Variants in PCDHGA5 observed in about 807,000 individuals in gnomAD.
PCDHGA5 encodes the protein protocadherin gamma subfamily A, 5, also known as protocadherin gamma-A5.
A neutral mutation model predicts 56.7 loss-of-function variants in PCDHGA5; 36 were observed. That is an observed-to-expected ratio of 0.64 (90% CI 0.49 to 0.84). The LOEUF is 0.84. Ranked by LOEUF, PCDHGA5 falls within the 40% of genes least tolerant of loss-of-function variation. The pLI, the probability that PCDHGA5 is intolerant of heterozygous loss-of-function variation, is 0.00. For missense variants in PCDHGA5, 1,305 were observed against 1,201.5 expected, an observed-to-expected ratio of 1.09 and a Z score of -1.27; for synonymous variants, 563 against 520.2, an observed-to-expected ratio of 1.08 and a Z score of -1.12.
chr5:141,450,842 T>TTTTTA, intron 1 of PCDHGA5, among the ~76,000 whole-genome samples: 1 of 148,196 alleles, frequency 6.7e-6, no homozygotes, highest in African/African-American at 2.5e-5. Context: ...TTTTTTTTTT[T>TTTTTA]GAGATGGGGT....
Position 141,485,616 on chromosome 5 carries a change from C to T in PCDHGA5, c.2422-9191C>T. On this transcript the variant is annotated intron_variant, in intron 1 of 3. Coordinates refer to ENST00000518069, the MANE Select transcript of PCDHGA5 (RefSeq NM_018918.3). This position sits in a 1 kb window ranked among gnomAD's most constrained non-coding sequence, Gnocchi z 5.7. ...TTGGAAATTGGGGAGGCAGCTCCTCCAGGACAGCGTTTCCCGTTGGAAAAG... is the reference window on the plus strand; with the variant it reads ...TTGGAAATTGGGGAGGCAGCTCCTCTAGGACAGCGTTTCCCGTTGGAAAAG... 1 of 1,612,210 alleles carries T rather than the reference C, an allele frequency of 6.2e-7. No individual in the cohort carries two copies.
chr5:141,399,442 A>G, intron 1 of PCDHGA5: 1 of 1,613,996 alleles, frequency 6.2e-7, no homozygotes. Context: ...CCTACATATC[A>G]GAGACGTCAA....
rs1306500688 is a variant in PCDHGA5 at position 141,491,142 on chromosome 5, A to T, written c.2422-3665A>T. ...GTGAGGTGCGCACAGCCCGGGCCTTACTGGAGGATGACTCTGACACCCAGC... is the reference window on the plus strand; with the variant it reads ...GTGAGGTGCGCACAGCCCGGGCCTTTCTGGAGGATGACTCTGACACCCAGC... On this transcript the variant is annotated intron_variant, in intron 1 of 3. Coordinates refer to ENST00000518069, the MANE Select transcript of PCDHGA5 (RefSeq NM_018918.3). This position sits in a 1 kb window ranked among gnomAD's most constrained non-coding sequence, Gnocchi z 6.9. 6.2e-7 allele frequency: 1 copy of T among 1,614,090 alleles called. No homozygotes were observed. Among genetic ancestry groups the T allele is most frequent in the Non-Finnish European group, 8.5e-7 (1 of 1,179,976 alleles).
intron 1 of PCDHGA5, chr5:141,424,778 T>G (rs1009835492): frequency 1.3e-5 from 2 of 152,166 alleles, no homozygotes; most frequent in African/African-American, 4.8e-5. Flanking sequence ...AATAGTACAT[T>G]CAGTTCTTTT....
chr5:141,492,499 C>T (rs2099741220), intron 1 of PCDHGA5, among the ~76,000 whole-genome samples: 1 of 152,198 alleles, frequency 6.6e-6, no homozygotes. Context: ...GGCGAGGACT[C>T]CGGAGCCTCC....
At chr5:141,388,558 C>G in intron 1 of PCDHGA5, 1 of 1,613,910 alleles carries the variant, frequency 6.2e-7, no homozygotes, top group Non-Finnish European at 8.5e-7. Context: ...CTAAGCAGCA[C>G]TGCACAGATA....
intron 1 of PCDHGA5, chr5:141,376,132 A>T: frequency 6.2e-7 from 1 of 1,613,498 alleles, no homozygotes; most frequent in Non-Finnish European, 8.5e-7. Context: ...CCTCCGCCAA[A>T]CCCAACGATT....
At chr5:141,405,008 G>A in intron 1 of PCDHGA5, 1 of 1,614,000 alleles carries the variant, frequency 6.2e-7, no homozygotes, top group Non-Finnish European at 8.5e-7. Context: ...AGACCTGGAG[G>A]CCTCAGACCT....
rs561499055 is a variant in PCDHGA5 at position 141,423,745 on chromosome 5, C to G, written c.2421+56994C>G. 10 of 605,688 alleles carry G rather than the reference C, an allele frequency of 1.7e-5. No individual in the cohort carries two copies. The East Asian group carries it at 3.1e-4, about 19-fold the overall frequency. The allele number at this position is 605,688 out of a possible 1,614,324, so 37.5% of individuals were successfully genotyped here. A position where few individuals can be genotyped will look rare whatever the true frequency, so the allele number is the denominator to read the frequency against. The stretch of plus-strand genomic sequence containing the variant: ...ATGTTTTTTGAGCCTGTTATGAAAA[C>G]TGTTTGGGGGGGGGGTGGGGCGGCA... On this transcript the variant is annotated intron_variant, in intron 1 of 3. Coordinates refer to ENST00000518069, the MANE Select transcript of PCDHGA5 (RefSeq NM_018918.3).
intron 1 of PCDHGA5, among the ~76,000 whole-genome samples, chr5:141,453,176 C>T (rs1225418058): frequency 6.6e-6 from 1 of 152,042 alleles, no homozygotes; most frequent in Non-Finnish European, 1.5e-5. Flanking sequence ...TCCAGTGGTA[C>T]AATCACAGCT....
intron 1 of PCDHGA5, chr5:141,423,117 G>A (rs1429958385): frequency 6.2e-7 from 1 of 1,613,698 alleles, no homozygotes; most frequent in Non-Finnish European, 8.5e-7. Flanking sequence ...TGCGTACAGC[G>A]CGGGCACTGC....
chr5:141,462,209 C>T (rs1158675305), intron 1 of PCDHGA5, among the ~76,000 whole-genome samples: 6 of 152,172 alleles, frequency 3.9e-5, no homozygotes, highest in Non-Finnish European at 8.8e-5. Flanking sequence ...ATCCGCCTGC[C>T]TCGGCCTCCC....
In PCDHGA5 at chr5:141,476,516, G is replaced by T. The variant is rs1042414523; in HGVS notation, c.2422-18291G>T. 1 of 1,614,016 alleles carries T rather than the reference G, an allele frequency of 6.2e-7. No individual in the cohort carries two copies. The highest frequency in any genetic ancestry group is 8.5e-7 in the Non-Finnish European group (1 of 1,180,022). ...CCAGGACATCAACGACAACAATCCT[G>T]CTTTCCCTACCCAGGAAATGAAATT... On this transcript the variant is annotated intron_variant, in intron 1 of 3. Transcript: ENST00000518069. The surrounding 1 kb of genome is among the most constrained non-coding windows in gnomAD (Gnocchi z 7.6).
intron 1 of PCDHGA5, chr5:141,371,230 A>G: frequency 6.2e-7 from 1 of 1,614,038 alleles, no homozygotes; most frequent in Non-Finnish European, 8.5e-7. Flanking sequence ...GAAATCATCT[A>G]TGCCTTCATC....
At chr5:141,405,218 G>C in intron 1 of PCDHGA5, 3 of 1,613,986 alleles carry the variant, frequency 1.9e-6, no homozygotes, top group Non-Finnish European at 2.5e-6. Context: ...CTATTCTCAG[G>C]AGTTCTCCCT....
At chr5:141,422,606 C>T in intron 1 of PCDHGA5, 1 of 1,613,904 alleles carries the variant, frequency 6.2e-7, no homozygotes, top group Non-Finnish European at 8.5e-7. Flanking sequence ...TCTTACTCTG[C>T]CTACATTCCC....
At position 141,489,774 on chromosome 5, in the gene PCDHGA5, C is replaced by T; in HGVS notation, c.2422-5033C>T. The T allele has an allele frequency of 1.2e-6, 2 of 1,614,164 alleles. No homozygotes were observed. Among genetic ancestry groups the T allele is most frequent in the Non-Finnish European group, 8.5e-7 (1 of 1,179,998 alleles). On this transcript the variant is annotated intron_variant, in intron 1 of 3. Transcript: ENST00000518069. The surrounding 1 kb of genome is among the most constrained non-coding windows in gnomAD (Gnocchi z 4.5). The stretch of plus-strand genomic sequence containing the variant: ...ACACTCTAAGCCCCAACAGCCACTT[C>T]TCTCTGAATGTGAAGACCCTAAAAG...
intron 1 of PCDHGA5, among the ~76,000 whole-genome samples, chr5:141,448,571 C>G (rs1207283773): frequency 6.6e-6 from 1 of 152,128 alleles, no homozygotes; most frequent in Non-Finnish European, 1.5e-5. Flanking sequence ...TTTTATTTCC[C>G]CATTTTTTTT....
rs376209053 is a variant in PCDHGA5, at chr5:141,410,666, T to A, written c.2421+43915T>A. On this transcript the variant is annotated intron_variant, in intron 1 of 3. Transcript: ENST00000518069. ...TGTGATTTATCTAATAGTCTACTAG[T>A]TTCTCATATTTTAGGCATACTACTT... is the stretch of plus-strand genomic sequence containing the variant. 2.6e-6 allele frequency: 4 copies of A among 1,565,890 alleles called. No homozygotes were observed. In the African/African-American group the frequency reaches 5.5e-5, roughly 21 times the overall value.
Sources: gnomAD v4.1 joint callset for allele counts (sites outside exome capture counted in the v4.1 genomes callset) on GRCh38, gnomAD v4.1.1 for gene constraint, Gnocchi (gnomAD v3.1) non-coding constraint, MANE v1.5 for transcripts, NCBI Gene and HGNC (gene_info 2026-07-23, HGNC 2026-07-21) for gene names.